Variants in CERS6 observed in about 807,000 individuals in gnomAD.
CERS6 encodes the protein ceramide synthase 6, also known as LAG1 homolog, ceramide synthase 6.
In CERS6, 26 loss-of-function variants were observed where a neutral mutation model predicts 56.8. That is an observed-to-expected ratio of 0.46 (90% CI 0.34 to 0.63). The LOEUF (loss-of-function observed/expected upper bound fraction) is 0.63. Among genes scored for constraint, CERS6 ranks in the 30% least tolerant of loss-of-function variants. The probability of loss-of-function intolerance (pLI) is 0.01; values close to 1 mark genes in which losing one functional copy is unlikely to be tolerated. For synonymous variants in CERS6, 164 were observed against 173.3 expected (o/e 0.95, Z 0.42); for missense variants, 415 against 467.5 (o/e 0.89, Z 1.04).
At chr2:168,686,072 A>C (rs1355241398) in intron 4 of CERS6, among the ~76,000 whole-genome samples, 1 of 144,312 alleles carries the variant, frequency 6.9e-6, no homozygotes, top group Non-Finnish European at 1.5e-5. Flanking sequence ...TGCTGTAACA[A>C]AATACCGCAT....
At chr2:168,556,851 A>G (rs553910452) in intron 2 of CERS6, among the ~76,000 whole-genome samples, 2 of 152,230 alleles carry the variant, frequency 1.3e-5, no homozygotes, top group Admixed American at 6.5e-5. Context: ...AAAGCAAACA[A>G]TAAGCATTAA....
At chr2:168,651,415 A>G (rs897197306) in intron 4 of CERS6, among the ~76,000 whole-genome samples, 3 of 152,192 alleles carry the variant, frequency 2.0e-5, no homozygotes, top group African/African-American at 7.2e-5. Flanking sequence ...AATTAAAGCA[A>G]AGGGGAAATA....
chr2:168,495,301 C>G (rs1478705076), intron 1 of CERS6, among the ~76,000 whole-genome samples: 1 of 152,172 alleles, frequency 6.6e-6, no homozygotes, highest in Non-Finnish European at 1.5e-5. Flanking sequence ...TCCGCTGAAC[C>G]TGTGCAACAT....
intron 4 of CERS6, among the ~76,000 whole-genome samples, chr2:168,649,274 G>A (rs2105315424): frequency 6.9e-6 from 1 of 144,334 alleles, no homozygotes; most frequent in South Asian, 2.1e-4. Flanking sequence ...GTCTCAGAGA[G>A]GTTATGTAAC....
chr2:168,674,640 G>A (rs146870282), intron 4 of CERS6, among the ~76,000 whole-genome samples: 243 of 152,350 alleles, frequency 1.6e-3, no homozygotes, highest in African/African-American at 5.7e-3. Context: ...AATCAGTAAT[G>A]TAGCAAAGAA....
intron 1 of CERS6, among the ~76,000 whole-genome samples, chr2:168,480,276 C>T (rs908764782): frequency 1.3e-5 from 2 of 152,074 alleles, no homozygotes; most frequent in African/African-American, 4.8e-5. Flanking sequence ...CCTTAGCATA[C>T]GTAATTGACT....
intron 3 of CERS6, among the ~76,000 whole-genome samples, chr2:168,572,205 T>C (rs942832662): frequency 6.6e-6 from 1 of 152,184 alleles, no homozygotes. Context: ...TATTTTCAGC[T>C]TACATATTAG....
chr2:168,693,714 C>G (rs1460053006), intron 5 of CERS6, among the ~76,000 whole-genome samples: 1 of 151,716 alleles, frequency 6.6e-6, no homozygotes, highest in Non-Finnish European at 1.5e-5. Flanking sequence ...GGCACTAACC[C>G]CATTCATGGG....
chr2:168,505,026 T>C (rs1332938787), intron 1 of CERS6, among the ~76,000 whole-genome samples: 1 of 152,094 alleles, frequency 6.6e-6, no homozygotes. Context: ...GTAAGGTCAA[T>C]TGATACGGTT....
At chr2:168,766,219 TA>T in intron 9 of CERS6, 1 of 1,068,228 alleles carries the variant, frequency 9.4e-7, no homozygotes, top group Non-Finnish European at 1.4e-6. Context: ...TAAAGCTTCC[TA>T]AGCCTCAGCC....
intron 4 of CERS6, among the ~76,000 whole-genome samples, chr2:168,681,838 C>T (rs913720250): frequency 2.0e-5 from 3 of 152,172 alleles, no homozygotes; most frequent in Admixed American, 2.0e-4. Flanking sequence ...TACTCTACTT[C>T]TATGAGATCA....
chr2:168,734,937 A>G (rs187732973), intron 8 of CERS6, among the ~76,000 whole-genome samples: 206 of 152,300 alleles, frequency 1.4e-3, no homozygotes, highest in African/African-American at 4.6e-3. Context: ...CATAATCACT[A>G]TCCTGACAAA....
chr2:168,671,728 A>G (rs11687063), intron 4 of CERS6, among the ~76,000 whole-genome samples: 63,528 of 152,000 alleles, frequency 0.42, 14,304 homozygotes, highest in Non-Finnish European at 0.51. Flanking sequence ...ATGAAGATGG[A>G]GTCATTCTTT....
intron 6 of CERS6, among the ~76,000 whole-genome samples, chr2:168,710,807 TAAACTC>T (rs1314401694): frequency 4.6e-5 from 7 of 152,354 alleles, no homozygotes; most frequent in African/African-American, 1.7e-4. Context: ...AATCACTTAT[TAAACTC>T]AGAGTATGGT....
intron 1 of CERS6, 47 bp from the exon 2 acceptor site, chr2:168,547,549 A>G: frequency 8.2e-7 from 1 of 1,215,718 alleles, no homozygotes; most frequent in Non-Finnish European, 1.2e-6. Context: ...AATCACATAG[A>G]AAGAATAAAT....
chr2:168,491,706 C>T (rs1694377228), intron 1 of CERS6, among the ~76,000 whole-genome samples: 1 of 151,878 alleles, frequency 6.6e-6, no homozygotes, highest in African/African-American at 2.4e-5. Context: ...TAGGTATACA[C>T]GTGCCATGGT....
intron 3 of CERS6, among the ~76,000 whole-genome samples, chr2:168,608,176 T>G (rs1463260023): frequency 6.6e-6 from 1 of 152,270 alleles, no homozygotes; most frequent in Non-Finnish European, 1.5e-5. Context: ...TTCTTCCACT[T>G]GGCATAATGC....
chr2:168,576,426 G>A (rs1435247027), intron 3 of CERS6, among the ~76,000 whole-genome samples: 1 of 152,172 alleles, frequency 6.6e-6, no homozygotes, highest in Non-Finnish European at 1.5e-5. Flanking sequence ...GGTCTTGTAA[G>A]TGCTTGGGAT....
intron 1 of CERS6, among the ~76,000 whole-genome samples, chr2:168,473,057 G>A (rs1291578498): frequency 6.6e-6 from 1 of 151,946 alleles, no homozygotes; most frequent in Admixed American, 6.6e-5. Flanking sequence ...TAAGCTTTTT[G>A]TTCTGTCTTT....
Sources: gnomAD v4.1 joint callset for allele counts (sites outside exome capture counted in the v4.1 genomes callset) on GRCh38, gnomAD v4.1.1 for gene constraint, MANE v1.5 for transcripts, NCBI Gene and HGNC (gene_info 2026-07-23, HGNC 2026-07-21) for gene names.